PTPRO: variants seen among roughly 807,000 people sequenced by gnomAD.
PTPRO encodes receptor-type tyrosine-protein phosphatase O.
PTPRO carries 62 observed loss-of-function variants against 145.2 expected under a neutral mutation model. That is an observed-to-expected ratio of 0.43 (90% CI 0.35 to 0.53). The LOEUF is 0.53. Ranked by LOEUF, PTPRO falls within the 20% of genes least tolerant of loss-of-function variation. PTPRO has a pLI of 0.01. For missense variants in PTPRO, 1,345 were observed against 1,482.7 expected, an observed-to-expected ratio of 0.91 and a Z score of 1.53; for synonymous variants, 565 against 514.7, an observed-to-expected ratio of 1.10 and a Z score of -1.32.
intron 6 of PTPRO, among the ~76,000 whole-genome samples, chr12:15,506,634 T>C (rs1268113172): frequency 1.3e-5 from 2 of 152,092 alleles, no homozygotes. Context: ...CCATTAGATC[T>C]CATGAGAACT....
chr12:15,442,779 C>G (rs1358021336), intron 1 of PTPRO, among the ~76,000 whole-genome samples: 1 of 151,210 alleles, frequency 6.6e-6, no homozygotes. Flanking sequence ...GGAAGTACAT[C>G]TAAACAAAAG....
chr12:15,386,214 A>C (rs1376332712), intron 1 of PTPRO, among the ~76,000 whole-genome samples: 1 of 152,208 alleles, frequency 6.6e-6, no homozygotes, highest in African/African-American at 2.4e-5. Flanking sequence ...GAACATAACC[A>C]GTTGCATGAG....
intron 1 of PTPRO, among the ~76,000 whole-genome samples, chr12:15,367,634 C>T (rs1176377191): frequency 6.6e-6 from 1 of 152,176 alleles, no homozygotes; most frequent in South Asian, 2.1e-4. Flanking sequence ...ATGTAACAGA[C>T]CTGAAACTGG....
intron 17 of PTPRO, among the ~76,000 whole-genome samples, chr12:15,561,087 A>C (rs1370532344): frequency 6.6e-6 from 1 of 152,150 alleles, no homozygotes; most frequent in Non-Finnish European, 1.5e-5. Flanking sequence ...TATAAGATAA[A>C]AGGTAGCAGT....
intron 1 of PTPRO, among the ~76,000 whole-genome samples, chr12:15,394,903 C>T (rs1939294170): frequency 1.3e-5 from 2 of 152,020 alleles, no homozygotes; most frequent in Admixed American, 6.6e-5. Context: ...CAACTGAAGA[C>T]AACACAGGAA....
At chr12:15,370,699 CACAA>C (rs1242544771) in intron 1 of PTPRO, among the ~76,000 whole-genome samples, 1 of 152,018 alleles carries the variant, frequency 6.6e-6, no homozygotes, top group Admixed American at 6.5e-5. Flanking sequence ...AATAAAAAAA[CACAA>C]ACAATTTGTT....
chr12:15,324,645 C>G (rs1035347169), intron 1 of PTPRO, among the ~76,000 whole-genome samples: 1 of 152,046 alleles, frequency 6.6e-6, no homozygotes, highest in Non-Finnish European at 1.5e-5. Context: ...TAAGAAAAAT[C>G]ATTTTCCTTT....
intron 1 of PTPRO, among the ~76,000 whole-genome samples, chr12:15,459,253 C>G (rs1386259791): frequency 6.6e-6 from 1 of 152,134 alleles, no homozygotes; most frequent in Non-Finnish European, 1.5e-5. Flanking sequence ...AAGACCCTCC[C>G]AGGTCTGTGA....
At chr12:15,424,896 A>T (rs1940242132) in intron 1 of PTPRO, among the ~76,000 whole-genome samples, 1 of 152,076 alleles carries the variant, frequency 6.6e-6, no homozygotes, top group South Asian at 2.1e-4. Context: ...GATTGTGAGG[A>T]TGGCTCCCAT....
intron 1 of PTPRO, among the ~76,000 whole-genome samples, chr12:15,473,200 G>A (rs1056996906): frequency 5.3e-5 from 8 of 152,140 alleles, no homozygotes; most frequent in Admixed American, 1.3e-4. Flanking sequence ...ATTCAAATTC[G>A]ATAACTAATA....
chr12:15,474,502 T>C (rs1200166557), intron 1 of PTPRO, among the ~76,000 whole-genome samples: 1 of 152,186 alleles, frequency 6.6e-6, no homozygotes, highest in Non-Finnish European at 1.5e-5. Context: ...ATCCTAGACC[T>C]TGTCCTGACA....
intron 1 of PTPRO, among the ~76,000 whole-genome samples, chr12:15,460,810 G>A (rs1941283777): frequency 6.6e-6 from 1 of 152,088 alleles, no homozygotes; most frequent in South Asian, 2.1e-4. Context: ...CTGGGTCTTG[G>A]GTTTCCTCAT....
intron 1 of PTPRO, among the ~76,000 whole-genome samples, chr12:15,453,478 CAG>C (rs1941098658): frequency 6.6e-6 from 1 of 152,142 alleles, no homozygotes; most frequent in South Asian, 2.1e-4. Context: ...GTGACAAACA[CAG>C]AAGATAACTT....
intron 22 of PTPRO, 28 bp downstream of exon 22, chr12:15,580,859 T>C: frequency 8.1e-6 from 13 of 1,613,580 alleles, no homozygotes; most frequent in Non-Finnish European, 1.1e-5. Context: ...CTGCTCCCAC[T>C]TAGCAGCAAA....
rs181894298 is a variant in PTPRO, at chr12:15,527,165, A to G, written c.2164+903A>G. Among the ~76,000 whole-genome samples the G allele has an allele frequency of 3.2e-4, 49 of 152,292 alleles. 1 individual carries two copies. The highest frequency in any genetic ancestry group is 3.4e-3 in the Middle Eastern group (1 of 294). On this transcript the variant is annotated intron_variant, in intron 12 of 26. Coordinates refer to ENST00000281171, the MANE Select transcript of PTPRO (RefSeq NM_030667.3). ...AGATTTTCACCAGCAACAACCCAGA[A>G]CTCAAATACGAGGATGCGACCGATT...
intron 8 of PTPRO, among the ~76,000 whole-genome samples, chr12:15,516,336 C>CA (rs548537781): frequency 3.5e-3 from 217 of 62,260 alleles, no homozygotes; most frequent in Middle Eastern, 0.019. Flanking sequence ...GACCCTGTCT[C>CA]AAAAAAAAAA....
intron 23 of PTPRO, among the ~76,000 whole-genome samples, chr12:15,586,017 C>T (rs561865747): frequency 6.6e-6 from 1 of 152,270 alleles, no homozygotes; most frequent in Non-Finnish European, 1.5e-5. Context: ...AGCTGGATGA[C>T]GGTGAGTGAT....
chr12:15,597,855 ATGGTTAATGAAAGG>A lies in PTPRO; in HGVS notation c.*1786_*1799del, dbSNP rs1305375627. On this transcript the variant is annotated 3_prime_UTR_variant, in exon 27 of 27. Transcript: ENST00000281171. ...TGTCGCACCATTCTCAGGAACAAAC[ATGGTTAATGAAAGG>A]TGGCAAAGGGATGTGTGACATTCTT... Among the ~76,000 whole-genome samples, 1 of 152,172 alleles carries A rather than the reference ATGGTTAATGAAAGG, an allele frequency of 6.6e-6. No homozygotes were observed. The highest frequency in any genetic ancestry group is 1.9e-4 in the East Asian group (1 of 5,198).
chr12:15,584,211 T>C (rs1322742276), intron 23 of PTPRO, among the ~76,000 whole-genome samples: 4 of 152,176 alleles, frequency 2.6e-5, no homozygotes, highest in Admixed American at 2.0e-4. Flanking sequence ...AATAAATCAG[T>C]GAATGAATGA....
Sources: allele counts gnomAD v4.1 joint callset (sites outside exome capture counted in the v4.1 genomes callset), GRCh38; gene constraint gnomAD v4.1.1; transcripts MANE v1.5; gene names NCBI Gene and HGNC (gene_info 2026-07-23, HGNC 2026-07-21).